Variants in DISC1 observed in about 807,000 individuals in gnomAD.
DISC1 encodes the protein disrupted in schizophrenia 1 protein.
A neutral mutation model predicts 84.5 loss-of-function variants in DISC1; 57 were observed. That is an observed-to-expected ratio of 0.67 (90% confidence interval 0.55 to 0.84). The LOEUF (loss-of-function observed/expected upper bound fraction) is 0.84. Among genes scored for constraint, DISC1 ranks in the 40% least tolerant of loss-of-function variants. The probability of loss-of-function intolerance (pLI) is 0.00; values close to 1 mark genes in which losing one functional copy is unlikely to be tolerated. For missense variants in DISC1, 1,000 were observed against 1,057.8 expected, an observed-to-expected ratio of 0.95 and a Z score of 0.76; for synonymous variants, 411 against 415.2, an observed-to-expected ratio of 0.99 and a Z score of 0.12.
chr1:231,736,266 T>A (rs1005441501), intron 3 of DISC1, among the ~76,000 whole-genome samples: 4 of 152,204 alleles, frequency 2.6e-5, no homozygotes, highest in Non-Finnish European at 4.4e-5. Context: ...GCAAGACCCC[T>A]GTGTCACGGA....
chr1:231,750,492 C>T, intron 4 of DISC1: 1 of 997,742 alleles, frequency 1.0e-6, no homozygotes, highest in Non-Finnish European at 1.2e-6. Flanking sequence ...ACTCTGCCCT[C>T]CAGCTCCTGA....
At chr1:231,672,075 G>A (rs199816552) in intron 1 of DISC1, among the ~76,000 whole-genome samples, 1 of 152,146 alleles carries the variant, frequency 6.6e-6, no homozygotes, top group Non-Finnish European at 1.5e-5. Context: ...TAACGGGATT[G>A]TTTTAATTAT....
rs573363142 is a variant in DISC1 at position 231,683,597 on chromosome 1, C to A, written c.68-10229C>A. ...TCTGTGACCAACCCTTCTGTGAACA[C>A]CCCCTCTGTGACCAACCCCTCCTGG... On this transcript the variant is annotated intron_variant, in intron 1 of 12. Coordinates refer to ENST00000439617, the MANE Select transcript of DISC1 (RefSeq NM_018662.3). Among the ~76,000 whole-genome samples the A allele has an allele frequency of 2.6e-5, 4 of 151,012 alleles. No homozygotes were observed. The South Asian group carries it at 8.5e-4, about 32-fold the overall frequency.
chr1:231,717,789 G>T (rs1279319746), intron 3 of DISC1, among the ~76,000 whole-genome samples: 1 of 152,142 alleles, frequency 6.6e-6, no homozygotes, highest in Non-Finnish European at 1.5e-5. Flanking sequence ...CATAGTGCGA[G>T]AATTGCTTTC....
intron 9 of DISC1, among the ~76,000 whole-genome samples, chr1:231,830,018 C>T (rs2082119018): frequency 6.6e-6 from 1 of 152,038 alleles, no homozygotes; most frequent in Non-Finnish European, 1.5e-5. Context: ...CAGGAACTGG[C>T]CATCTGGATG....
chr1:231,929,999 G>T (rs747568659), intron 9 of DISC1, among the ~76,000 whole-genome samples: 4 of 152,126 alleles, frequency 2.6e-5, no homozygotes, highest in Non-Finnish European at 5.9e-5. Flanking sequence ...GCGTGGGATT[G>T]ACCCTGTTAG....
At chr1:231,721,554 T>C (rs776406891) in intron 3 of DISC1, among the ~76,000 whole-genome samples, 6 of 152,216 alleles carry the variant, frequency 3.9e-5, no homozygotes, top group Non-Finnish European at 7.4e-5. Flanking sequence ...ATTTATATCA[T>C]ATGGACTTGG....
intron 12 of DISC1, among the ~76,000 whole-genome samples, chr1:232,028,561 T>C (rs1572689385): frequency 6.6e-6 from 1 of 152,300 alleles, no homozygotes; most frequent in African/African-American, 2.4e-5. Flanking sequence ...CAAGTGATAA[T>C]GCCTCTTTAA....
intron 9 of DISC1, among the ~76,000 whole-genome samples, chr1:231,900,190 A>G (rs1441383945): frequency 6.6e-6 from 1 of 152,214 alleles, no homozygotes; most frequent in Non-Finnish European, 1.5e-5. Flanking sequence ...TTGCCCCGCA[A>G]CAGGAGATCG....
intron 10 of DISC1, among the ~76,000 whole-genome samples, chr1:231,968,575 G>C (rs1661427858): frequency 7.2e-6 from 1 of 138,620 alleles, no homozygotes. Context: ...CTGGGCGACA[G>C]AGCGAGACTC....
intron 10 of DISC1, among the ~76,000 whole-genome samples, chr1:231,996,679 T>C (rs1013784043): frequency 1.3e-5 from 2 of 152,070 alleles, no homozygotes; most frequent in Admixed American, 1.3e-4. Flanking sequence ...CCATTCCCCA[T>C]AGAAAACCCC....
intron 10 of DISC1, among the ~76,000 whole-genome samples, chr1:231,993,450 A>T (rs762721481): frequency 1.1e-4 from 17 of 152,014 alleles, no homozygotes; most frequent in Non-Finnish European, 2.1e-4. Context: ...TGGAGTAAAG[A>T]AATAAAATGC....
chr1:231,742,999 A>G (rs1435719595), intron 3 of DISC1, among the ~76,000 whole-genome samples: 1 of 152,188 alleles, frequency 6.6e-6, no homozygotes, highest in Non-Finnish European at 1.5e-5. Context: ...GCGATAACTT[A>G]TATCTTTCTT....
intron 9 of DISC1, among the ~76,000 whole-genome samples, chr1:231,942,790 C>T (rs1043889104): frequency 1.3e-5 from 2 of 152,224 alleles, no homozygotes; most frequent in African/African-American, 2.4e-5. Context: ...CACTCCCAGC[C>T]GCCCATAGGT....
intron 3 of DISC1, among the ~76,000 whole-genome samples, chr1:231,743,904 T>C (rs572271831): frequency 6.6e-6 from 1 of 152,334 alleles, no homozygotes; most frequent in South Asian, 2.1e-4. Context: ...TTCTGCCCTT[T>C]CCTCTACCTT....
At chr1:231,859,214 G>A (rs1021465515) in intron 9 of DISC1, among the ~76,000 whole-genome samples, 1 of 152,202 alleles carries the variant, frequency 6.6e-6, no homozygotes, top group Non-Finnish European at 1.5e-5. Context: ...CTTCATTGAT[G>A]ATCTAGGTCT....
intron 9 of DISC1, among the ~76,000 whole-genome samples, chr1:231,911,687 G>A (rs938153346): frequency 4.6e-5 from 7 of 152,098 alleles, no homozygotes; most frequent in East Asian, 1.9e-4. Flanking sequence ...TCTTTGTGGC[G>A]TTCTCTGTAT....
In DISC1 at chr1:231,886,845, T is replaced by C. The variant is rs535306976; in HGVS notation, c.1981+68328T>C. 5.8e-5 allele frequency among the ~76,000 whole-genome samples: 7 copies of C among 121,368 alleles called. No individual in the cohort carries two copies. The South Asian group carries it at 2.0e-3, about 35-fold the overall frequency. 79.6% of individuals were successfully genotyped at this position (121,368 alleles called of 152,430 possible). Reference sequence around the variant, plus strand: ...TTTCTTTCTTTCTTTCCTTCTTTCTTTTCTTTCTTTCTTTTCTTTCCTTTT... The same window carrying C: ...TTTCTTTCTTTCTTTCCTTCTTTCTCTTCTTTCTTTCTTTTCTTTCCTTTT... On this transcript the variant is annotated intron_variant, in intron 9 of 12. Coordinates refer to ENST00000439617, the MANE Select transcript of DISC1 (RefSeq NM_018662.3).
At chr1:232,004,620 C>T (rs888848739) in intron 10 of DISC1, among the ~76,000 whole-genome samples, 3 of 152,032 alleles carry the variant, frequency 2.0e-5, no homozygotes, top group Non-Finnish European at 4.4e-5. Context: ...GAGAAAGAAG[C>T]AAATAGGCAA....
Sources: gnomAD v4.1 joint callset for allele counts (sites outside exome capture counted in the v4.1 genomes callset) on GRCh38, gnomAD v4.1.1 for gene constraint, MANE v1.5 for transcripts, NCBI Gene and HGNC (gene_info 2026-07-23, HGNC 2026-07-21) for gene names.